Variants in ZNF385D observed in about 807,000 individuals in gnomAD.
ZNF385D encodes the protein zinc finger protein 385D.
Under a neutral mutation model 35.8 loss-of-function variants are expected in ZNF385D, and 15 were observed. The observed-to-expected ratio is 0.42, with a 90% CI of 0.28 to 0.64. The LOEUF (loss-of-function observed/expected upper bound fraction) is 0.64. Among genes scored for constraint, ZNF385D ranks in the 30% least tolerant of loss-of-function variants. The probability of loss-of-function intolerance (pLI) is 0.23; values close to 1 mark genes in which losing one functional copy is unlikely to be tolerated. For synonymous variants in ZNF385D, 212 were observed against 186.8 expected (o/e 1.13, Z -1.10); for missense variants, 474 against 494.6 (o/e 0.96, Z 0.39).
intron 3 of ZNF385D, among the ~76,000 whole-genome samples, chr3:21,921,621 A>C (rs1700465928): frequency 6.6e-6 from 1 of 152,154 alleles, no homozygotes; most frequent in African/African-American, 2.4e-5. Flanking sequence ...TAGATGGAGA[A>C]AACACCTAAA....
At chr3:22,105,330 G>A (rs1326907939) in intron 3 of ZNF385D, among the ~76,000 whole-genome samples, 2 of 149,864 alleles carry the variant, frequency 1.3e-5, no homozygotes, top group East Asian at 2.0e-4. Flanking sequence ...GAGATCAGTT[G>A]TATTAGTCAG....
intron 2 of ZNF385D, among the ~76,000 whole-genome samples, chr3:22,338,222 G>A (rs1371737191): frequency 6.6e-6 from 1 of 152,104 alleles, no homozygotes; most frequent in African/African-American, 2.4e-5. Context: ...TTATACTTCG[G>A]TGCAGACTTA....
chr3:21,743,317 G>A (rs1442767802), intron 1 of ZNF385D, among the ~76,000 whole-genome samples: 2 of 152,048 alleles, frequency 1.3e-5, no homozygotes, highest in Non-Finnish European at 2.9e-5. Context: ...AAAACATACA[G>A]TATACAATTA....
At chr3:21,902,797 GTAAC>G (rs940748810) in intron 3 of ZNF385D, among the ~76,000 whole-genome samples, 1 of 152,136 alleles carries the variant, frequency 6.6e-6, no homozygotes, top group Non-Finnish European at 1.5e-5. Flanking sequence ...ATATGCATAT[GTAAC>G]TAACCTGCAC....
intron 3 of ZNF385D, among the ~76,000 whole-genome samples, chr3:22,014,364 A>T (rs1576154524): frequency 6.6e-6 from 1 of 152,136 alleles, no homozygotes; most frequent in Non-Finnish European, 1.5e-5. Flanking sequence ...ATGCTCCCTC[A>T]CCTGCCTAGA....
intron 4 of ZNF385D, among the ~76,000 whole-genome samples, chr3:21,484,757 G>T (rs1452008833): frequency 6.6e-6 from 1 of 152,112 alleles, no homozygotes; most frequent in Non-Finnish European, 1.5e-5. Flanking sequence ...CTGGAATACA[G>T]TGGGTATAAT....
chr3:22,158,455 T>C (rs1182818406), intron 3 of ZNF385D, among the ~76,000 whole-genome samples: 1 of 152,124 alleles, frequency 6.6e-6, no homozygotes, highest in East Asian at 1.9e-4. Context: ...CTCACTATTT[T>C]ATTCTTAACA....
At chr3:22,089,760 T>C (rs942779831) in intron 3 of ZNF385D, among the ~76,000 whole-genome samples, 6 of 152,180 alleles carry the variant, frequency 3.9e-5, no homozygotes, top group African/African-American at 1.2e-4. Context: ...GTATATGCTG[T>C]TCTTATATTT....
At chr3:21,721,087 G>A (rs1426467806) in intron 1 of ZNF385D, among the ~76,000 whole-genome samples, 4 of 150,966 alleles carry the variant, frequency 2.6e-5, no homozygotes, top group Admixed American at 6.6e-5. Flanking sequence ...TTTTTCTAGT[G>A]GACAAAGTTT....
intron 2 of ZNF385D, among the ~76,000 whole-genome samples, chr3:22,217,259 C>CT (rs1017759045): frequency 6.6e-6 from 1 of 152,096 alleles, no homozygotes; most frequent in African/African-American, 2.4e-5. Flanking sequence ...ACAATAAACA[C>CT]TTTTGCCCAT....
intron 2 of ZNF385D, among the ~76,000 whole-genome samples, chr3:22,261,552 T>C (rs1166994280): frequency 2.0e-5 from 3 of 151,998 alleles, no homozygotes; most frequent in African/African-American, 4.8e-5. Context: ...TCTCCATCCG[T>C]CCCTATCCTG....
rs1020066250 is a variant in ZNF385D, at chr3:21,863,364, T to G, written c.326-198336A>C. Among the ~76,000 whole-genome samples the G allele has an allele frequency of 2.0e-5, 3 of 152,198 alleles. No individual in the cohort carries two copies. The East Asian group carries it at 5.8e-4, about 29-fold the overall frequency. On this transcript the variant is annotated intron_variant, in intron 3 of 5. Coordinates refer to the ZNF385D transcript ENST00000494108. The stretch of plus-strand genomic sequence containing the variant: ...TATAACTTGTAATATATTTTCTCTT[T>G]TTCTGAGCCACTGTAGGCAGTCATT...
chr3:22,287,549 T>C lies in ZNF385D; in HGVS notation c.106+84901A>G, dbSNP rs182837802. ...ACTATGGGTTTTTGCTTTTTGGTTA[T>C]GCTGAGGCTTACAAAAAGCACCTCA... On this transcript the variant is annotated intron_variant, in intron 2 of 5. Coordinates refer to the ZNF385D transcript ENST00000494108. Among the ~76,000 whole-genome samples, 344 of 152,078 alleles carry C rather than the reference T, an allele frequency of 2.3e-3. 2 individuals are homozygous for C. Among genetic ancestry groups the C allele is most frequent in the Middle Eastern group, 0.017 (5 of 294 alleles).
chr3:21,871,309 C>T (rs1206610653), intron 3 of ZNF385D, among the ~76,000 whole-genome samples: 1 of 152,148 alleles, frequency 6.6e-6, no homozygotes, highest in Non-Finnish European at 1.5e-5. Context: ...CTTGCACTCT[C>T]ATCACACAGC....
At chr3:22,033,912 T>G (rs554819654) in intron 3 of ZNF385D, among the ~76,000 whole-genome samples, 7 of 152,282 alleles carry the variant, frequency 4.6e-5, no homozygotes, top group African/African-American at 1.7e-4. Context: ...CCCAGTACTT[T>G]CCTTGTTTTA....
intron 7 of ZNF385D, 77 bp downstream of exon 7, chr3:21,423,886 C>A (rs1004131789): frequency 1.4e-6 from 2 of 1,427,944 alleles, no homozygotes; most frequent in Admixed American, 2.0e-5. Context: ...TTAAAGGTGG[C>A]AAAATGCCAG....
At chr3:22,371,306 A>C (rs1485389828) in intron 2 of ZNF385D, among the ~76,000 whole-genome samples, 1 of 152,200 alleles carries the variant, frequency 6.6e-6, no homozygotes, top group East Asian at 1.9e-4. Flanking sequence ...GCTAGCAAAC[A>C]GACTCAGCAG....
intron 3 of ZNF385D, among the ~76,000 whole-genome samples, chr3:21,881,798 G>A (rs955784600): frequency 4.6e-5 from 7 of 151,972 alleles, no homozygotes; most frequent in Admixed American, 2.0e-4. Context: ...ATGGGAGCAG[G>A]TAAAAATATC....
chr3:22,344,546 T>A (rs1695568304), intron 2 of ZNF385D, among the ~76,000 whole-genome samples: 1 of 151,860 alleles, frequency 6.6e-6, no homozygotes, highest in African/African-American at 2.4e-5. Context: ...CATACCACCA[T>A]GCCTGCCTCA....
Sources: allele counts gnomAD v4.1 joint callset (sites outside exome capture counted in the v4.1 genomes callset), GRCh38; gene constraint gnomAD v4.1.1; transcripts MANE v1.5; gene names NCBI Gene and HGNC (gene_info 2026-07-23, HGNC 2026-07-21).